Variants in SCN8A observed in about 807,000 individuals in gnomAD.
The protein encoded by SCN8A is sodium channel protein type 8 subunit alpha.
A neutral mutation model predicts 184.1 loss-of-function variants in SCN8A; 30 were observed. The observed-to-expected ratio is 0.16, with a 90% CI of 0.12 to 0.22. SCN8A has a LOEUF of 0.22. Ranked by LOEUF, SCN8A falls within the 10% of genes least tolerant of loss-of-function variation. SCN8A has a pLI of 1.00. For synonymous variants in SCN8A, 852 were observed against 907.0 expected (o/e 0.94, Z 1.09); for missense variants, 1,057 against 2,498.9 (o/e 0.42, Z 12.30).
At chr12:51,800,804 G>A (rs144110327) in intron 26 of SCN8A, among the ~76,000 whole-genome samples, 8 of 152,310 alleles carry the variant, frequency 5.3e-5, no homozygotes, top group East Asian at 3.9e-4. Context: ...AGTAGTCCCC[G>A]AAAGGGGACC....
chr12:51,668,838 A>G (rs1268556977), intron 2 of SCN8A, among the ~76,000 whole-genome samples: 1 of 152,106 alleles, frequency 6.6e-6, no homozygotes, highest in African/African-American at 2.4e-5. Context: ...TCCCTAACCT[A>G]TGGTAGGATA....
intron 11 of SCN8A, among the ~76,000 whole-genome samples, chr12:51,720,071 G>C (rs1284600885): frequency 2.9e-5 from 2 of 69,880 alleles, no homozygotes; most frequent in East Asian, 5.1e-4. Flanking sequence ...GCGAGACTCC[G>C]TCTCAAAAAA....
At chr12:51,637,589 C>G (rs1400240801) in intron 1 of SCN8A, among the ~76,000 whole-genome samples, 7 of 152,196 alleles carry the variant, frequency 4.6e-5, no homozygotes, top group Non-Finnish European at 1.0e-4. Flanking sequence ...AACGCCCAAT[C>G]CAGAGCAAGG....
At chr12:51,756,363 C>T (rs2138847152) in intron 14 of SCN8A, among the ~76,000 whole-genome samples, 1 of 152,328 alleles carries the variant, frequency 6.6e-6, no homozygotes, top group African/African-American at 2.4e-5. Context: ...GGATCTGACA[C>T]CCCACATCAG....
chr12:51,805,266 C>T (rs1391883331), intron 26 of SCN8A, among the ~76,000 whole-genome samples: 4 of 151,976 alleles, frequency 2.6e-5, no homozygotes, highest in Non-Finnish European at 4.4e-5. Context: ...AGGTAGAGAC[C>T]TAAATAGATG....
intron 14 of SCN8A, among the ~76,000 whole-genome samples, chr12:51,754,388 T>C (rs1942641384): frequency 6.6e-6 from 1 of 151,918 alleles, no homozygotes; most frequent in East Asian, 1.9e-4. Context: ...ATGCTTATAG[T>C]GTGTATTTTT....
chr12:51,809,368 C>T lies in SCN8A; in HGVS notation c.*1939C>T, dbSNP rs1221217848. Reference sequence around the variant, plus strand: ...GAAGAAGAACCAACCCATAATCAGACACACCGATCTGCCTTGCAGTAGAAG... The same window carrying T: ...GAAGAAGAACCAACCCATAATCAGATACACCGATCTGCCTTGCAGTAGAAG... On this transcript the variant is annotated 3_prime_UTR_variant, in exon 27 of 27. Coordinates refer to ENST00000627620, the MANE Select transcript of SCN8A (RefSeq NM_001330260.2). 1 of 152,220 alleles carries T rather than the reference C, an allele frequency of 6.6e-6. No individual in the cohort carries two copies. The highest frequency in any genetic ancestry group is 2.4e-5 in the African/African-American group (1 of 41,448). 9.4% of individuals were successfully genotyped at this position (152,220 alleles called of 1,614,324 possible).
At chr12:51,630,069 A>G (rs1489664988) in intron 1 of SCN8A, among the ~76,000 whole-genome samples, 2 of 152,194 alleles carry the variant, frequency 1.3e-5, no homozygotes, top group Admixed American at 6.5e-5. Context: ...TCTTAACTTC[A>G]CTGTGCCATG....
intron 1 of SCN8A, among the ~76,000 whole-genome samples, chr12:51,592,440 C>T (rs1355509422): frequency 1.3e-5 from 2 of 152,138 alleles, no homozygotes; most frequent in African/African-American, 2.4e-5. Context: ...TTCCATCCGA[C>T]TACTCCACCC....
intron 11 of SCN8A, among the ~76,000 whole-genome samples, chr12:51,717,165 C>T (rs552793517): frequency 1.3e-5 from 2 of 152,208 alleles, no homozygotes; most frequent in African/African-American, 4.8e-5. Flanking sequence ...CTCTTGGGAA[C>T]GGAAGTAACG....
At chr12:51,647,045 T>C (rs921845167) in intron 1 of SCN8A, among the ~76,000 whole-genome samples, 1 of 152,218 alleles carries the variant, frequency 6.6e-6, no homozygotes, top group Non-Finnish European at 1.5e-5. Flanking sequence ...TTAGTGTTTT[T>C]AGATTAAAAT....
intron 11 of SCN8A, 104 bp from the exon 12 acceptor site, chr12:51,721,442 C>A: frequency 1.6e-6 from 2 of 1,224,588 alleles, no homozygotes; most frequent in South Asian, 1.6e-5. Flanking sequence ...CACAGGAGTG[C>A]GAGGGTGGGG....
chr12:51,645,496 G>A (rs1176575689), intron 1 of SCN8A, among the ~76,000 whole-genome samples: 3 of 152,188 alleles, frequency 2.0e-5, no homozygotes, highest in South Asian at 4.1e-4. Context: ...TGACAATGGC[G>A]GTTTTGTAGA....
At chr12:51,712,363 C>T in intron 11 of SCN8A, 1 of 646,220 alleles carries the variant, frequency 1.5e-6, no homozygotes, top group South Asian at 1.8e-5. Context: ...TACAGTTCCT[C>T]TAATGCATTT....
chr12:51,745,115 C>T (rs1942488989), intron 12 of SCN8A, among the ~76,000 whole-genome samples: 1 of 152,162 alleles, frequency 6.6e-6, no homozygotes, highest in South Asian at 2.1e-4. Flanking sequence ...ATGAAGAAAC[C>T]CTTTGCTGTA....
At chr12:51,639,033 T>C (rs1940382779) in intron 1 of SCN8A, among the ~76,000 whole-genome samples, 1 of 152,150 alleles carries the variant, frequency 6.6e-6, no homozygotes, top group South Asian at 2.1e-4. Flanking sequence ...CAGGCTTGAG[T>C]GCAGTGGTGC....
At chr12:51,659,073 C>T (rs1024629784) in intron 1 of SCN8A, among the ~76,000 whole-genome samples, 1 of 152,164 alleles carries the variant, frequency 6.6e-6, no homozygotes, top group Non-Finnish European at 1.5e-5. Flanking sequence ...TAGCTTAAAA[C>T]TATAAACAAC....
intron 1 of SCN8A, among the ~76,000 whole-genome samples, chr12:51,632,118 A>C (rs1461101375): frequency 6.6e-6 from 1 of 152,228 alleles, no homozygotes; most frequent in Non-Finnish European, 1.5e-5. Flanking sequence ...TGTTGCCACC[A>C]CTTGTTCAAG....
intron 11 of SCN8A, among the ~76,000 whole-genome samples, chr12:51,710,979 TA>T (rs1941865348): frequency 6.9e-6 from 1 of 145,570 alleles, no homozygotes; most frequent in Non-Finnish European, 1.5e-5. Context: ...CATGGCTAGA[TA>T]TTGTTAGACA....
Sources: gnomAD v4.1 joint callset for allele counts (sites outside exome capture counted in the v4.1 genomes callset) on GRCh38, gnomAD v4.1.1 for gene constraint, MANE v1.5 for transcripts, NCBI Gene and HGNC (gene_info 2026-07-23, HGNC 2026-07-21) for gene names.